Variants in OR9Q1 observed in about 807,000 individuals in gnomAD.
OR9Q1 encodes the protein olfactory receptor 9Q1.
For synonymous variants in OR9Q1, 153 were observed against 148.6 expected, an observed-to-expected ratio of 1.03 and a Z score of -0.22; for missense variants, 374 against 378.8, an observed-to-expected ratio of 0.99 and a Z score of 0.11.
In OR9Q1 at chr11:58,154,007, A is replaced by G. The variant is rs1306730285; in HGVS notation, c.-14-25424A>G. 9.9e-5 allele frequency among the ~76,000 whole-genome samples: 15 copies of G among 152,194 alleles called. No homozygotes were observed. The East Asian group carries it at 2.7e-3, about 27-fold the overall frequency. On this transcript the variant is annotated intron_variant, in intron 2 of 2. Transcript: ENST00000335397. ...AAGGGTCACATAAGCAAGTCTTAAG[A>G]GGAGAGAAAAGGCCAGAAAGCTGTA...
intron 2 of OR9Q1, among the ~76,000 whole-genome samples, chr11:58,113,609 G>A (rs1416268983): frequency 6.6e-6 from 1 of 152,136 alleles, no homozygotes; most frequent in Non-Finnish European, 1.5e-5. Context: ...TAGCTCATTC[G>A]CAGTTCATGC....
At chr11:58,088,137 G>A (rs1216226176) in intron 2 of OR9Q1, among the ~76,000 whole-genome samples, 5 of 151,678 alleles carry the variant, frequency 3.3e-5, no homozygotes, top group Non-Finnish European at 7.4e-5. Context: ...CACCGCACCC[G>A]GCCTGACATG....
At chr11:58,067,703 T>C (rs770248265) in intron 2 of OR9Q1, among the ~76,000 whole-genome samples, 1 of 152,202 alleles carries the variant, frequency 6.6e-6, no homozygotes, top group Non-Finnish European at 1.5e-5. Context: ...ATAGTCCACA[T>C]ACAGCAGGAA....
At chr11:58,065,822 A>G (rs1853423712) in intron 2 of OR9Q1, among the ~76,000 whole-genome samples, 1 of 152,214 alleles carries the variant, frequency 6.6e-6, no homozygotes, top group Non-Finnish European at 1.5e-5. Flanking sequence ...AGAGAGAACT[A>G]GGACTAGAAC....
At chr11:58,150,379 C>T (rs935642969) in intron 2 of OR9Q1, among the ~76,000 whole-genome samples, 1 of 152,152 alleles carries the variant, frequency 6.6e-6, no homozygotes, top group Non-Finnish European at 1.5e-5. Context: ...TCAAGCGATC[C>T]TCCTACCTTG....
chr11:58,179,892 G>T lies in OR9Q1; in HGVS notation c.448G>T (p.Val150Phe). Reference sequence around the variant, plus strand: ...CTTGAGTCTTGTGGCTGGGGCTTACGTTGCTGGTCTCATCAGTGCCTTGGT... The same window carrying T: ...CTTGAGTCTTGTGGCTGGGGCTTACTTTGCTGGTCTCATCAGTGCCTTGGT... ...ARLSLVAGAY[V>F]AGLISALVRT... The change falls in exon 3 of 3, where the codon GTT becomes TTT. Residue 150 changes from valine to phenylalanine, a missense_variant. Val to Phe is a conservative substitution (Grantham distance 50, BLOSUM62 -1). Coordinates refer to ENST00000335397, the MANE Select transcript of OR9Q1 (RefSeq NM_001005212.4). The T allele has an allele frequency of 6.2e-7, 1 of 1,614,150 alleles. No homozygotes were observed.
At chr11:58,071,298 G>A (rs983863177) in intron 2 of OR9Q1, among the ~76,000 whole-genome samples, 1 of 152,088 alleles carries the variant, frequency 6.6e-6, no homozygotes, top group Admixed American at 6.5e-5. Context: ...GACCAGCCTT[G>A]CCAACATGGT....
At chr11:58,060,986 G>T (rs1853375551) in intron 2 of OR9Q1, among the ~76,000 whole-genome samples, 1 of 152,122 alleles carries the variant, frequency 6.6e-6, no homozygotes, top group Non-Finnish European at 1.5e-5. Context: ...TTCTACTTCA[G>T]ACTGTTCGAG....
intron 2 of OR9Q1, among the ~76,000 whole-genome samples, chr11:58,075,609 A>G (rs371489768): frequency 6.6e-6 from 1 of 152,240 alleles, no homozygotes; most frequent in African/African-American, 2.4e-5. Flanking sequence ...ACTTGAAGGC[A>G]CAGCGAGAAG....
At chr11:58,111,568 C>A (rs1371215594) in intron 2 of OR9Q1, among the ~76,000 whole-genome samples, 1 of 151,982 alleles carries the variant, frequency 6.6e-6, no homozygotes, top group African/African-American at 2.4e-5. Context: ...TTGATTTATC[C>A]AGCTGCTTTT....
At chr11:58,101,865 G>A (rs1440106736) in intron 2 of OR9Q1, among the ~76,000 whole-genome samples, 1 of 152,124 alleles carries the variant, frequency 6.6e-6, no homozygotes. Context: ...TCCTGCCTCA[G>A]CCTCCCGAGT....
intron 1 of OR9Q1, among the ~76,000 whole-genome samples, chr11:58,040,512 G>A (rs183503807): frequency 9.2e-5 from 14 of 152,286 alleles, no homozygotes; most frequent in Admixed American, 2.6e-4. Context: ...TACCAATCAC[G>A]TATTCTGTCT....
At chr11:58,026,976 G>C (rs1262138138) in intron 1 of OR9Q1, among the ~76,000 whole-genome samples, 1 of 152,176 alleles carries the variant, frequency 6.6e-6, no homozygotes, top group South Asian at 2.1e-4. Context: ...GTCTCTCAAA[G>C]AATGCAATTT....
intron 2 of OR9Q1, among the ~76,000 whole-genome samples, chr11:58,086,779 G>C (rs1242577785): frequency 2.6e-5 from 4 of 151,788 alleles, no homozygotes; most frequent in Non-Finnish European, 5.9e-5. Flanking sequence ...TACCACATTT[G>C]TATGTGGAAT....
At chr11:58,117,442 C>T (rs900578054) in intron 2 of OR9Q1, 4 of 152,126 alleles carry the variant, frequency 2.6e-5, no homozygotes, top group African/African-American at 9.7e-5. Context: ...ATGTTTTTCC[C>T]ATTTGCCATA....
chr11:58,099,236 C>G (rs963286794), intron 2 of OR9Q1, among the ~76,000 whole-genome samples: 2 of 148,284 alleles, frequency 1.3e-5, no homozygotes, highest in Non-Finnish European at 1.5e-5. Context: ...TGATTTTTTG[C>G]CTACTCTTTC....
chr11:58,027,994 T>A (rs1448651584), intron 1 of OR9Q1, among the ~76,000 whole-genome samples: 1 of 151,032 alleles, frequency 6.6e-6, no homozygotes, highest in Non-Finnish European at 1.5e-5. Context: ...CCAGGGTGGA[T>A]GCTGGGGCAC....
intron 2 of OR9Q1, among the ~76,000 whole-genome samples, chr11:58,063,707 TG>T (rs141248235): frequency 6.6e-6 from 1 of 152,018 alleles, no homozygotes. Flanking sequence ...ATTTAATTTT[TG>T]GGGGGGTGAG....
intron 2 of OR9Q1, among the ~76,000 whole-genome samples, chr11:58,122,450 T>TA (rs1278054307): frequency 6.6e-6 from 1 of 152,210 alleles, no homozygotes; most frequent in African/African-American, 2.4e-5. Context: ...CTTTCTATTC[T>TA]ATGAAATGGC....
Sources: allele counts gnomAD v4.1 joint callset (sites outside exome capture counted in the v4.1 genomes callset), GRCh38; gene constraint gnomAD v4.1.1; transcripts MANE v1.5; gene names NCBI Gene and HGNC (gene_info 2026-07-23, HGNC 2026-07-21).